Variants in ACIN1 observed in about 807,000 individuals in gnomAD.
The protein encoded by ACIN1 is apoptotic chromatin condensation inducer in the nucleus.
ACIN1 carries 16 observed loss-of-function variants against 146.6 expected under a neutral mutation model. That is an observed-to-expected ratio of 0.11 (90% CI 0.07 to 0.17). The LOEUF (loss-of-function observed/expected upper bound fraction) is 0.17. ACIN1 is among the 10% of genes least tolerant of loss of function. The pLI is 1.00. For synonymous variants in ACIN1, 569 were observed against 582.7 expected (o/e 0.98, Z 0.34); for missense variants, 1,357 against 1,609.3 (o/e 0.84, Z 2.68).
chr14:23,067,417 T>TG lies in ACIN1; in HGVS notation c.2266-1410dup. ...TCCCTGCTAGGCGCTGTGCAATTGGTGGGGGGTTGGGTTGGCAAAAAAGGT... is the reference window on the plus strand; with the variant it reads ...TCCCTGCTAGGCGCTGTGCAATTGGTGGGGGGGTTGGGTTGGCAAAAAAGGT... On this transcript the variant is annotated intron_variant, in intron 9 of 18. Transcript: ENST00000605057. The surrounding 1 kb of genome is among the most constrained non-coding windows in gnomAD (Gnocchi z 4.6). The TG allele has an allele frequency of 1.0e-6, 1 of 953,048 alleles. No homozygotes were observed. The highest frequency in any genetic ancestry group is 1.2e-6 in the Non-Finnish European group (1 of 819,402). 59.0% of individuals were successfully genotyped at this position (953,048 alleles called of 1,614,324 possible).
chr14:23,080,259 G>C lies in ACIN1; in HGVS notation c.1076C>G (p.Pro359Arg). ...AGAAGATGCTTCCTTTGTTAGTAAA[G>C]GTGGAGGAGTCTCCTCCTCGCTGGC... Reference protein sequence around the residue: ...QTASEEETPPPLLTKEASSPP... With the variant: ...QTASEEETPPRLLTKEASSPP... Residue 359 changes from proline (P) to arginine (R), a missense_variant, in exon 6 of 19, where the codon CCT (proline) becomes CGT (arginine). By Grantham distance (103) the Pro-to-Arg change is moderately radical (BLOSUM62 -2). Transcript: ENST00000605057. The C allele has an allele frequency of 1.2e-6, 2 of 1,614,178 alleles. No individual in the cohort carries two copies. Among genetic ancestry groups the C allele is most frequent in the Non-Finnish European group, 1.7e-6 (2 of 1,180,036 alleles).
At chr14:23,070,256 A>G (rs1045654849) in intron 8 of ACIN1, among the ~76,000 whole-genome samples, 2 of 152,066 alleles carry the variant, frequency 1.3e-5, no homozygotes, top group Non-Finnish European at 2.9e-5. Flanking sequence ...GGCCTGGTGA[A>G]GGTTCAAGCT....
At chr14:23,062,323 C>A in intron 15 of ACIN1, 48 bp from the exon 16 acceptor site, 1 of 1,600,470 alleles carries the variant, frequency 6.2e-7, no homozygotes, top group African/African-American at 1.3e-5. Flanking sequence ...GTCTGCAACC[C>A]TTCCCACGTG....
chr14:23,087,870 ATCTC>A (rs1365377736), intron 4 of ACIN1, among the ~76,000 whole-genome samples: 1 of 152,068 alleles, frequency 6.6e-6, no homozygotes, highest in African/African-American at 2.4e-5. Flanking sequence ...TTTCATTCCT[ATCTC>A]TCTGACTTTG....
intron 4 of ACIN1, 51 bp downstream of exon 4, chr14:23,089,931 A>C: frequency 6.7e-7 from 1 of 1,502,526 alleles, no homozygotes; most frequent in South Asian, 1.3e-5. Context: ...ACCTCCCCCC[A>C]CCAACTACGC....
chr14:23,071,584 G>A (rs2047656520), intron 8 of ACIN1: 9 of 1,542,234 alleles, frequency 5.8e-6, no homozygotes, highest in Non-Finnish European at 7.0e-6. Flanking sequence ...GCCTGTGTGT[G>A]CGGATGGGGG....
chr14:23,062,607 G>C, intron 14 of ACIN1, 84 bp from the exon 15 acceptor site: 3 of 1,319,650 alleles, frequency 2.3e-6, no homozygotes, highest in Non-Finnish European at 3.3e-6. Context: ...GCTGTCACAG[G>C]AGTATAGTTT....
rs760437860 is a variant in ACIN1, at chr14:23,078,924, G to C, written c.1903C>G (p.Pro635Ala). 1 of 1,614,118 alleles carries C rather than the reference G, an allele frequency of 6.2e-7. No individual in the cohort carries two copies. Among genetic ancestry groups the C allele is most frequent in the Non-Finnish European group, 8.5e-7 (1 of 1,180,022 alleles). ...GAGGAGGTGGAAGTCCTCTCCTTTGGCTCACAGACCTGCAGTTGTGGCACT... is the reference window on the plus strand; with the variant it reads ...GAGGAGGTGGAAGTCCTCTCCTTTGCCTCACAGACCTGCAGTTGTGGCACT... ...PPVPQLQVCE[P>A]KERTSTSSSS... Residue 635 changes from proline to alanine, a missense_variant, in exon 7 of 19, where the codon CCA (proline) becomes GCA (alanine). Around this residue, in one of 4 missense-constraint regions of ACIN1, gnomAD observed 771 missense variants for 746.6 expected, o/e 1.03. Coordinates refer to ENST00000605057, the MANE Select transcript of ACIN1 (RefSeq NM_001386863.1).
At chr14:23,093,588 AAG>A in intron 1 of ACIN1, 44 bp from the exon 2 acceptor site, 1 of 1,534,694 alleles carries the variant, frequency 6.5e-7, no homozygotes, top group Non-Finnish European at 9.0e-7. Context: ...GAGGAAAAAA[AAG>A]AAAAACAAAC....
chr14:23,066,806 C>T (rs2047471587), intron 9 of ACIN1, among the ~76,000 whole-genome samples: 1 of 152,112 alleles, frequency 6.6e-6, no homozygotes, highest in African/African-American at 2.4e-5. Flanking sequence ...AGGGGCTCTG[C>T]CAAAGACCAG....
At chr14:23,074,437 C>T (rs1041298766) in intron 8 of ACIN1, among the ~76,000 whole-genome samples, 10 of 151,946 alleles carry the variant, frequency 6.6e-5, no homozygotes, top group African/African-American at 1.4e-4. Context: ...GTGGCAGCCG[C>T]GTCTATAGTC....
At chr14:23,060,458 A>T (rs945448216) in intron 18 of ACIN1, among the ~76,000 whole-genome samples, 1 of 152,248 alleles carries the variant, frequency 6.6e-6, no homozygotes, top group East Asian at 1.9e-4. Context: ...CTTAAAAAGC[A>T]GGGAAATGAA....
In ACIN1 at chr14:23,094,839, C is replaced by G. The variant is rs1212762670; in HGVS notation, c.138+136G>C. ...AGCGCGAACCTCATCAACCACCGTG[C>G]GCGCGGATCCAGAGGCTCGCGCTGG... On this transcript the variant is annotated intron_variant, in intron 1 of 18. Transcript: ENST00000605057. 5 of 1,288,740 alleles carry G rather than the reference C, an allele frequency of 3.9e-6. No individual in the cohort carries two copies. In the Admixed American group the frequency reaches 7.2e-5, roughly 19 times the overall value. 79.8% of individuals were successfully genotyped at this position (1,288,740 alleles called of 1,614,324 possible). A position where few individuals can be genotyped will look rare whatever the true frequency, so the allele number is the denominator to read the frequency against.
At position 23,079,847 on chromosome 14, in the gene ACIN1, C is replaced by T. The variant is rs987228773; in HGVS notation, c.1488G>A (p.Gln496=). 1 of 1,614,112 alleles carries T rather than the reference C, an allele frequency of 6.2e-7. No individual in the cohort carries two copies. Among genetic ancestry groups the T allele is most frequent in the African/African-American group, 1.3e-5 (1 of 74,926 alleles). ...EECLKQPSLE[Q]KEGRRASHTL... ...TATGAGAAGCTCTTCTGCCTTCCTT[C>T]TGTTCCAAAGATGGCTGTTTCAGAC... The change falls in exon 6 of 19, where the codon CAG becomes CAA. Residue 496 remains glutamine, a synonymous_variant. Transcript: ENST00000605057.
chr14:23,087,184 T>A (rs971630961), intron 4 of ACIN1, among the ~76,000 whole-genome samples: 4 of 152,208 alleles, frequency 2.6e-5, no homozygotes, highest in Non-Finnish European at 5.9e-5. Context: ...AGACTGAGAT[T>A]CTATACCTGG....
chr14:23,076,573 CT>C (rs1480036577), intron 8 of ACIN1: 1 of 152,154 alleles, frequency 6.6e-6, no homozygotes, highest in Admixed American at 6.5e-5. Context: ...AATAAAATGC[CT>C]TTCTGTTGCT....
rs1331352000 is a variant in ACIN1 at position 23,063,470 on chromosome 14, G to A, written c.2703C>T (p.Ala901=). 9 of 1,614,088 alleles carry A rather than the reference G, an allele frequency of 5.6e-6. No individual in the cohort carries two copies. The highest frequency in any genetic ancestry group is 5.0e-5 in the Admixed American group (3 of 60,004). The change falls in exon 13 of 19, where the codon GCC becomes GCT. Residue 901 remains alanine, a synonymous_variant. Coordinates refer to ENST00000605057, the MANE Select transcript of ACIN1 (RefSeq NM_001386863.1). ...CTTCATGCTCTGCAGGTGGGGGCAA[G>A]GCCACCTCTACTGACACCTGGGGAG... ...PVPPQVSVEV[A]LPPPAEHEVK...
chr14:23,069,247 G>A (rs762606167), intron 9 of ACIN1: 107 of 1,234,948 alleles, frequency 8.7e-5, no homozygotes, highest in Middle Eastern at 6.2e-4. Flanking sequence ...CTAGAGTCTG[G>A]GCACTACTTC....
intron 8 of ACIN1, among the ~76,000 whole-genome samples, chr14:23,074,979 T>C (rs2047761217): frequency 6.6e-6 from 1 of 152,318 alleles, no homozygotes; most frequent in South Asian, 2.1e-4. Context: ...CAAGATAACC[T>C]AGAACAGTAT....
Sources: allele counts gnomAD v4.1 joint callset (sites outside exome capture counted in the v4.1 genomes callset), GRCh38; gene constraint gnomAD v4.1.1; regional missense constraint gnomAD v4.1.1; non-coding constraint Gnocchi (gnomAD v3.1); transcripts MANE v1.5; gene names NCBI Gene and HGNC (gene_info 2026-07-23, HGNC 2026-07-21).